The following TRAPPC9 variants were observed in gnomAD, a reference collection of about 807,000 sequenced individuals.
TRAPPC9 encodes the protein trafficking protein particle complex subunit 9, also known as IKK2 binding protein.
In TRAPPC9, 83 loss-of-function variants were observed where a neutral mutation model predicts 124.0. That is an observed-to-expected ratio of 0.67 (90% CI 0.56 to 0.80). The LOEUF (loss-of-function observed/expected upper bound fraction) is 0.80, where lower values mean the gene tolerates loss of function less well. TRAPPC9 is among the 30% of genes least tolerant of loss of function. The pLI, the probability that TRAPPC9 is intolerant of heterozygous loss-of-function variation, is 0.00. For synonymous variants in TRAPPC9, 638 were observed against 617.5 expected (o/e 1.03, Z -0.49); for missense variants, 1,302 against 1,508.3 (o/e 0.86, Z 2.27).
intron 17 of TRAPPC9, among the ~76,000 whole-genome samples, chr8:140,177,513 T>A (rs1305766583): frequency 1.3e-5 from 2 of 152,154 alleles, no homozygotes; most frequent in Non-Finnish European, 2.9e-5. Context: ...TCTATGTTTA[T>A]CCTTATGCCA....
Position 140,223,006 on chromosome 8 carries a change from G to A in TRAPPC9, c.2432-1423C>T, listed in dbSNP as rs115294906. Among the ~76,000 whole-genome samples the A allele has an allele frequency of 3.3e-5, 5 of 152,278 alleles. No homozygotes were observed. In the East Asian group the frequency reaches 7.7e-4, roughly 23 times the overall value. ...CTTTATGCTTTCTAAACTTGCCCTC[G>A]TTTTATTTATTCTTTCTTTTTAAGT... On this transcript the variant is annotated intron_variant, in intron 16 of 22. Coordinates refer to ENST00000438773, the MANE Select transcript of TRAPPC9 (RefSeq NM_001160372.4).
chr8:140,226,316 G>C (rs1308204970), intron 16 of TRAPPC9, among the ~76,000 whole-genome samples: 2 of 152,192 alleles, frequency 1.3e-5, no homozygotes, highest in African/African-American at 4.8e-5. Flanking sequence ...CTATGGGCCA[G>C]CGTGGTGGCT....
At position 140,252,670 on chromosome 8, in the gene TRAPPC9, G is replaced by A. The variant is rs2064156443; in HGVS notation, c.2431+107C>T. 2 of 1,355,656 alleles carry A rather than the reference G, an allele frequency of 1.5e-6. No homozygotes were observed. The highest frequency in any genetic ancestry group is 3.5e-5 in the Admixed American group (2 of 57,874). The allele number at this position is 1,355,656 out of a possible 1,614,324, so 84.0% of individuals were successfully genotyped here. A position where few individuals can be genotyped will look rare whatever the true frequency, so the allele number is the denominator to read the frequency against. On this transcript the variant is annotated intron_variant, in intron 16 of 22. Coordinates refer to ENST00000438773, the MANE Select transcript of TRAPPC9 (RefSeq NM_001160372.4). The surrounding 1 kb of genome is among the most constrained non-coding windows in gnomAD (Gnocchi z 4.2). The stretch of plus-strand genomic sequence containing the variant: ...GATGTCTCAGGCAGCTTGAGTTAAT[G>A]AATGACAAGTGAGTTACAAACAGCA...
At chr8:139,744,372 C>T (rs151304434) in intron 21 of TRAPPC9, among the ~76,000 whole-genome samples, 1,644 of 152,260 alleles carry the variant, frequency 0.011, 31 homozygotes, top group African/African-American at 0.037. Flanking sequence ...ACCCCTTCCC[C>T]GCTTCCAGAC....
At chr8:140,278,955 C>T (rs1274725522) in intron 14 of TRAPPC9, among the ~76,000 whole-genome samples, 2 of 152,234 alleles carry the variant, frequency 1.3e-5, no homozygotes, top group South Asian at 2.1e-4. Flanking sequence ...CTCTTCTGGA[C>T]ATCTCATCTC....
chr8:140,287,660 G>C lies in TRAPPC9; in HGVS notation c.1929C>G (p.Tyr643Ter), dbSNP rs753641201. The C allele has an allele frequency of 3.7e-6, 6 of 1,614,162 alleles. No individual in the cohort carries two copies. The highest frequency in any genetic ancestry group is 3.3e-5 in the Admixed American group (2 of 60,020). The change falls in exon 13 of 23, where the codon TAC (tyrosine) becomes TAG (stop). Residue 643 changes from tyrosine (Y) to a stop codon, truncating the protein, a stop_gained. Coordinates refer to ENST00000438773, the MANE Select transcript of TRAPPC9 (RefSeq NM_001160372.4). LOFTEE classifies it high-confidence loss of function. ...ALSLPAESGL[Y>*]PVTLVGVPQT... ...GCGGGACCCCGACGAGCGTCACTGG[G>C]TACAGACCAGATTCAGCCGGAAGAG...
intron 17 of TRAPPC9, among the ~76,000 whole-genome samples, chr8:140,165,287 G>A (rs1241599868): frequency 6.6e-6 from 1 of 152,022 alleles, no homozygotes; most frequent in Non-Finnish European, 1.5e-5. Context: ...GTTGCAGTGA[G>A]CCAAGATCGC....
At chr8:140,244,072 A>G (rs1193440170) in intron 16 of TRAPPC9, among the ~76,000 whole-genome samples, 1 of 152,246 alleles carries the variant, frequency 6.6e-6, no homozygotes, top group African/African-American at 2.4e-5. Flanking sequence ...CTGAGGTGGA[A>G]GAGTTTCAAC....
At position 139,742,970 on chromosome 8, in the gene TRAPPC9, A is replaced by G. The variant is rs1818660066; in HGVS notation, c.3056-10768T>C. ...TGCTGAGCATGAGTTTCTGCCGTGCATGTGTCCAGGGTTGCAGGCCCAATG... is the reference window on the plus strand; with the variant it reads ...TGCTGAGCATGAGTTTCTGCCGTGCGTGTGTCCAGGGTTGCAGGCCCAATG... On this transcript the variant is annotated intron_variant, in intron 21 of 22. Coordinates refer to ENST00000438773, the MANE Select transcript of TRAPPC9 (RefSeq NM_001160372.4). The surrounding 1 kb of genome is among the most constrained non-coding windows in gnomAD (Gnocchi z 4.7). Among the ~76,000 whole-genome samples the G allele has an allele frequency of 6.6e-6, 1 of 152,076 alleles. No individual in the cohort carries two copies. Among genetic ancestry groups the G allele is most frequent in the Non-Finnish European group, 1.5e-5 (1 of 68,028 alleles).
Position 140,329,068 on chromosome 8 carries a change from C to T in TRAPPC9, c.1496-17694G>A, listed in dbSNP as rs994807170. On this transcript the variant is annotated intron_variant, in intron 9 of 22. Coordinates refer to ENST00000438773, the MANE Select transcript of TRAPPC9 (RefSeq NM_001160372.4). ...ACTAGGAAAGTATACCGGGCACAAG[C>T]GGACCCCTGAGCACCATGAACATCA... Among the ~76,000 whole-genome samples the T allele has an allele frequency of 3.3e-5, 5 of 152,028 alleles. No homozygotes were observed. The East Asian group carries it at 5.8e-4, about 18-fold the overall frequency.
chr8:140,283,820 A>AC, intron 14 of TRAPPC9, 69 bp downstream of exon 14: 1 of 1,595,102 alleles, frequency 6.3e-7, no homozygotes, highest in Non-Finnish European at 8.6e-7. Context: ...GCCATTAAAA[A>AC]AAAAAAAAAT....
chr8:139,828,710 C>T (rs185399483), intron 21 of TRAPPC9, among the ~76,000 whole-genome samples: 4 of 152,294 alleles, frequency 2.6e-5, no homozygotes, highest in Admixed American at 2.6e-4. Context: ...TGAAGCTGAT[C>T]ACCAGCGAGC....
At chr8:140,354,926 T>C (rs1239731141) in intron 9 of TRAPPC9, among the ~76,000 whole-genome samples, 2 of 152,212 alleles carry the variant, frequency 1.3e-5, no homozygotes, top group Non-Finnish European at 1.5e-5. Flanking sequence ...CTCCTGACTT[T>C]TGTCCTTTTC....
intron 7 of TRAPPC9, among the ~76,000 whole-genome samples, chr8:140,389,211 C>T (rs2068851764): frequency 6.6e-6 from 1 of 152,086 alleles, no homozygotes; most frequent in Non-Finnish European, 1.5e-5. Flanking sequence ...CCTGCCTCAG[C>T]CTCCCAAAGT....
At chr8:140,391,192 A>C in intron 7 of TRAPPC9, among the ~76,000 whole-genome samples, 1 of 152,274 alleles carries the variant, frequency 6.6e-6, no homozygotes, top group East Asian at 1.9e-4. Context: ...AGGAACAAAG[A>C]GGTGGCAGGT....
chr8:140,078,042 C>T (rs980977678), intron 17 of TRAPPC9, among the ~76,000 whole-genome samples: 27 of 152,140 alleles, frequency 1.8e-4, no homozygotes, highest in Admixed American at 1.7e-3. Context: ...CACTGCAAGG[C>T]AAACTGTCTT....
intron 22 of TRAPPC9, 133 bp downstream of exon 22, chr8:139,731,846 A>G (rs984125758): frequency 2.4e-6 from 2 of 827,308 alleles, no homozygotes; most frequent in Admixed American, 4.0e-5. Context: ...CTCAGTGTGC[A>G]CACGTGACCA....
chr8:140,302,479 C>A (rs1311710985), intron 10 of TRAPPC9, among the ~76,000 whole-genome samples: 1 of 152,152 alleles, frequency 6.6e-6, no homozygotes, highest in Admixed American at 6.5e-5. Flanking sequence ...ATGAAGCTGC[C>A]AACAGCAAAG....
At chr8:139,991,587 TG>T (rs201887081) in intron 18 of TRAPPC9, among the ~76,000 whole-genome samples, 23 of 134,468 alleles carry the variant, frequency 1.7e-4, no homozygotes, top group African/African-American at 4.9e-4. Flanking sequence ...TTTTTGGGTT[TG>T]TTTTTTTTTT....
Sources: gnomAD v4.1 joint callset for allele counts (sites outside exome capture counted in the v4.1 genomes callset) on GRCh38, gnomAD v4.1.1 for gene constraint, Gnocchi (gnomAD v3.1) non-coding constraint, MANE v1.5 for transcripts, NCBI Gene and HGNC (gene_info 2026-07-23, HGNC 2026-07-21) for gene names.